The following ACAD9 variants were observed in gnomAD, a reference collection of about 807,000 sequenced individuals.
The protein encoded by ACAD9 is acyl-CoA dehydrogenase family member 9.
A neutral mutation model predicts 70.2 loss-of-function variants in ACAD9; 53 were observed. The observed-to-expected ratio is 0.75, with a 90% confidence interval of 0.61 to 0.95. The LOEUF (loss-of-function observed/expected upper bound fraction) is 0.95. Among genes scored for constraint, ACAD9 ranks in the 40% least tolerant of loss-of-function variants. ACAD9 has a pLI of 0.00. For synonymous variants in ACAD9, 313 were observed against 312.1 expected (o/e 1.00, Z -0.03); for missense variants, 777 against 802.8 (o/e 0.97, Z 0.39).
Position 128,899,393 on chromosome 3 carries a change from T to C in ACAD9, c.740T>C (p.Val247Ala), listed in dbSNP as rs1388586677. Residue 247 changes from valine to alanine, a missense_variant, in exon 7 of 18, where the codon GTA (valine) becomes GCA (alanine). Coordinates refer to ENST00000308982, the MANE Select transcript of ACAD9 (RefSeq NM_014049.5). ...AAAGACAAAATCACAGCATTCATAG[T>C]AGAAAGAGACTTTGGTGGAGTCACT... is the stretch of plus-strand genomic sequence containing the variant. ...SVKDKITAFI[V>A]ERDFGGVTNG... 9 of 1,614,270 alleles carry C rather than the reference T, an allele frequency of 5.6e-6. No individual in the cohort carries two copies. The Admixed American group carries it at 8.3e-5, about 15-fold the overall frequency.
chr3:128,904,404 G>A lies in ACAD9; in HGVS notation c.1048G>A (p.Ala350Thr). 1 of 1,614,228 alleles carries A rather than the reference G, an allele frequency of 6.2e-7. No individual in the cohort carries two copies. The highest frequency in any genetic ancestry group is 8.5e-7 in the Non-Finnish European group (1 of 1,180,056). Reference protein sequence around the residue: ...GLIQEKFALMAQKAYVMESMT... With the variant: ...GLIQEKFALMTQKAYVMESMT... ...ACTCCAGGAGAAATTTGCACTGATGGCTCAGAAGGCTTACGTCATGGAGAG... is the reference window on the plus strand; with the variant it reads ...ACTCCAGGAGAAATTTGCACTGATGACTCAGAAGGCTTACGTCATGGAGAG... The change falls in exon 11 of 18, where the codon GCT becomes ACT. Residue 350 changes from alanine (A) to threonine (T), a missense_variant. By Grantham distance (58) the Ala-to-Thr change is moderately conservative. Transcript: ENST00000308982.
chr3:128,887,268 C>G (rs557156307), intron 2 of ACAD9, among the ~76,000 whole-genome samples: 1 of 152,146 alleles, frequency 6.6e-6, no homozygotes, highest in African/African-American at 2.4e-5. Context: ...ACATAGGGCT[C>G]TGTCAGCAAT....
intron 1 of ACAD9, among the ~76,000 whole-genome samples, chr3:128,883,897 G>A (rs1935168305): frequency 1.3e-5 from 2 of 152,210 alleles, no homozygotes; most frequent in Non-Finnish European, 2.9e-5. Context: ...AGAACACTTG[G>A]TGAGAGGCGC....
intron 2 of ACAD9, 101 bp downstream of exon 2, chr3:128,884,847 G>T: frequency 2.1e-6 from 2 of 949,234 alleles, no homozygotes; most frequent in Non-Finnish European, 3.4e-6. Flanking sequence ...CTTCTTGAGG[G>T]AGAAATGGTT....
Position 128,890,525 on chromosome 3 carries a change from A to AC in ACAD9, c.245-3026dup, listed in dbSNP as rs1935388741. ...ACACCATCCTGGCTAACATGGTGAA[A>AC]CCCCGTCTCTACTAAAAATACAAAA... On this transcript the variant is annotated intron_variant, in intron 2 of 17. Coordinates refer to ENST00000308982, the MANE Select transcript of ACAD9 (RefSeq NM_014049.5). 7.2e-5 allele frequency among the ~76,000 whole-genome samples: 11 copies of AC among 151,980 alleles called. No homozygotes were observed. The South Asian group carries it at 2.1e-3, about 29-fold the overall frequency.
intron 12 of ACAD9, 123 bp from the exon 13 acceptor site, chr3:128,908,062 C>G: frequency 1.1e-6 from 1 of 915,118 alleles, no homozygotes; most frequent in Non-Finnish European, 1.8e-6. Flanking sequence ...CCAGCTACTT[C>G]AGGAGCAGTG....
intron 8 of ACAD9, among the ~76,000 whole-genome samples, chr3:128,901,912 T>C (rs115385161): frequency 0.017 from 2,650 of 152,344 alleles, 79 homozygotes; most frequent in African/African-American, 0.06. Context: ...TATGTCCCTA[T>C]GGATTTGCCT....
intron 2 of ACAD9, among the ~76,000 whole-genome samples, chr3:128,889,474 T>A (rs1935350052): frequency 6.6e-6 from 1 of 152,200 alleles, no homozygotes; most frequent in Non-Finnish European, 1.5e-5. Context: ...TCAGGAGCCA[T>A]CAGTGCAACA....
At chr3:128,887,213 C>G (rs546530870) in intron 2 of ACAD9, among the ~76,000 whole-genome samples, 2 of 152,298 alleles carry the variant, frequency 1.3e-5, no homozygotes, top group African/African-American at 2.4e-5. Context: ...GCCACCGCAC[C>G]TGTCCTGACA....
chr3:128,912,547 C>G lies in ACAD9; in HGVS notation c.1806C>G (p.Ser602=), dbSNP rs756247621. Residue 602 remains serine (S), a synonymous_variant, in exon 18 of 18, where the codon TCC becomes TCG. Coordinates refer to ENST00000308982, the MANE Select transcript of ACAD9 (RefSeq NM_014049.5). ...ENLDEQIKKV[S]QQILEKRAYI... ...TAGATGAGCAGATTAAGAAAGTGTC[C>G]CAGCAGATCCTTGAGAAGCGAGCCT... is the stretch of plus-strand genomic sequence containing the variant. 3 of 1,614,132 alleles carry G rather than the reference C, an allele frequency of 1.9e-6. No homozygotes were observed. The highest frequency in any genetic ancestry group is 2.5e-6 in the Non-Finnish European group (3 of 1,180,022).
chr3:128,903,157 G>GT (rs1935790073), intron 9 of ACAD9, among the ~76,000 whole-genome samples: 1 of 152,282 alleles, frequency 6.6e-6, no homozygotes, highest in South Asian at 2.1e-4. Flanking sequence ...AGTGAACTTA[G>GT]AACAGCCCTG....
intron 6 of ACAD9, chr3:128,898,317 CCT>C (rs1935625436): frequency 4.9e-6 from 2 of 410,032 alleles, no homozygotes; most frequent in Admixed American, 5.7e-5. Flanking sequence ...TCTCAGCATG[CCT>C]CTCTAAAAGA....
chr3:128,912,335 T>C (rs951658373), intron 17 of ACAD9, among the ~76,000 whole-genome samples, 172 bp from the exon 18 acceptor site: 2 of 152,110 alleles, frequency 1.3e-5, no homozygotes, highest in African/African-American at 2.4e-5. Flanking sequence ...GCTGTACCCC[T>C]TTCTCTCCCT....
chr3:128,887,295 T>G (rs1935278332), intron 2 of ACAD9, among the ~76,000 whole-genome samples: 1 of 152,072 alleles, frequency 6.6e-6, no homozygotes, highest in Non-Finnish European at 1.5e-5. Flanking sequence ...CATCTTTGTA[T>G]TTGCAGAGAT....
At chr3:128,911,763 C>T (rs999260744) in intron 17 of ACAD9, among the ~76,000 whole-genome samples, 1 of 152,198 alleles carries the variant, frequency 6.6e-6, no homozygotes, top group African/African-American at 2.4e-5. Flanking sequence ...CTTGAAGCTG[C>T]CCGGGGAAGG....
At chr3:128,891,302 A>T (rs1162542132) in intron 2 of ACAD9, among the ~76,000 whole-genome samples, 1 of 151,996 alleles carries the variant, frequency 6.6e-6, no homozygotes, top group African/African-American at 2.4e-5. Flanking sequence ...TCTGCAGGGG[A>T]TGCATATTCT....
At chr3:128,890,428 C>T (rs1045417600) in intron 2 of ACAD9, among the ~76,000 whole-genome samples, 1 of 152,058 alleles carries the variant, frequency 6.6e-6, no homozygotes, top group Non-Finnish European at 1.5e-5. Context: ...TTTGGCTGGG[C>T]GCAGTGGCTC....
Position 128,895,395 on chromosome 3 carries a change from G to T in ACAD9, c.432G>T (p.Ala144=), listed in dbSNP as rs140225132. ...GGTCCATCACTGTGACCCTGGCAGC[G>T]CACCAGGCTATTGGCCTCAAGGTCA... The part of the protein sequence containing the change: ...MDGSITVTLA[A]HQAIGLKGII... Residue 144 remains alanine, a synonymous_variant, in exon 4 of 18, where the codon GCG becomes GCT. Coordinates refer to ENST00000308982, the MANE Select transcript of ACAD9 (RefSeq NM_014049.5). 6.2e-7 allele frequency: 1 copy of T among 1,610,336 alleles called. No homozygotes were observed. The highest frequency in any genetic ancestry group is 1.3e-5 in the African/African-American group (1 of 74,774).
At chr3:128,889,184 A>C (rs2107645257) in intron 2 of ACAD9, among the ~76,000 whole-genome samples, 1 of 152,086 alleles carries the variant, frequency 6.6e-6, no homozygotes, top group Non-Finnish European at 1.5e-5. Context: ...AAAAAACAAA[A>C]AATATTTAAC....
Sources: gnomAD v4.1 joint callset for allele counts (sites outside exome capture counted in the v4.1 genomes callset) on GRCh38, gnomAD v4.1.1 for gene constraint, MANE v1.5 for transcripts, NCBI Gene and HGNC (gene_info 2026-07-23, HGNC 2026-07-21) for gene names.